GPX5: variants seen among roughly 807,000 people sequenced by gnomAD.
GPX5 encodes the protein epididymal secretory glutathione peroxidase.
GPX5 carries 20 observed loss-of-function variants against 23.8 expected under a neutral mutation model. That is an observed-to-expected ratio of 0.84 (90% CI 0.59 to 1.22). The LOEUF is 1.22. Ranked by LOEUF, GPX5 falls within the 50% of genes most tolerant of loss-of-function variation. GPX5 has a pLI of 0.00. For synonymous variants in GPX5, 92 were observed against 99.5 expected, an observed-to-expected ratio of 0.92 and a Z score of 0.45; for missense variants, 230 against 266.6, an observed-to-expected ratio of 0.86 and a Z score of 0.96.
chr6:28,532,256 G>A, intron 3 of GPX5, 65 bp from the exon 4 acceptor site: 1 of 927,386 alleles, frequency 1.1e-6, no homozygotes, highest in Non-Finnish European at 1.6e-6. Context: ...TCAAATCCTA[G>A]TGTCCCATTA....
chr6:28,532,427 A>G lies in GPX5; in HGVS notation c.459+7A>G, dbSNP rs762750489. The G allele has an allele frequency of 6.5e-7, 1 of 1,533,108 alleles. No individual in the cohort carries two copies. The highest frequency in any genetic ancestry group is 8.9e-7 in the Non-Finnish European group (1 of 1,121,950). The allele number at this position is 1,533,108 out of a possible 1,614,324, so 95.0% of individuals were successfully genotyped here. ...AGTCTTCAGTTTCTTGAAGGTGAGTAAATTCCTGGCATAAGCCTCCTCCTC... is the reference window on the plus strand; with the variant it reads ...AGTCTTCAGTTTCTTGAAGGTGAGTGAATTCCTGGCATAAGCCTCCTCCTC... On this transcript the variant is annotated splice_region_variant and intron_variant, in intron 4 of 4. Transcript: ENST00000412168.
chr6:28,528,596 A>G (rs1207846037), intron 1 of GPX5: 1 of 152,070 alleles, frequency 6.6e-6, no homozygotes, highest in Non-Finnish European at 1.5e-5. Flanking sequence ...TGTTTTTTAC[A>G]GAAGCATGTA....
Position 28,532,336 on chromosome 6 carries a change from G to C in GPX5, c.375G>C (p.Gly125=). ...CTTGTTGCAGGTATGTCCGTCCAGGGGGAGGATTTGTACCTAGTTTCCAGC... is the reference window on the plus strand; with the variant it reads ...CTTGTTGCAGGTATGTCCGTCCAGGCGGAGGATTTGTACCTAGTTTCCAGC... ...ILPGLKYVRP[G]GGFVPSFQLF... The change falls in exon 4 of 5, where the codon GGG becomes GGC. Residue 125 remains glycine (G), a synonymous_variant. Transcript: ENST00000412168. The C allele has an allele frequency of 6.3e-7, 1 of 1,578,754 alleles. No homozygotes were observed. Among genetic ancestry groups the C allele is most frequent in the Non-Finnish European group, 8.6e-7 (1 of 1,167,696 alleles).
rs73402963 is a variant in GPX5, at chr6:28,526,402, G to A, written c.87+302G>A. Among the ~76,000 whole-genome samples, 602 of 152,292 alleles carry A rather than the reference G, an allele frequency of 4.0e-3. 4 individuals are homozygous for A. The highest frequency in any genetic ancestry group is 0.013 in the African/African-American group (537 of 41,552). On this transcript the variant is annotated intron_variant, in intron 1 of 4. Coordinates refer to ENST00000412168, the MANE Select transcript of GPX5 (RefSeq NM_001509.3). ...ACATCAGTCTCTGCTTCAGAGCTGG[G>A]TCTGAGGCTGGGACAGCGATGGGCT...
At chr6:28,528,966 C>T (rs1372971632) in intron 1 of GPX5, among the ~76,000 whole-genome samples, 2 of 150,452 alleles carry the variant, frequency 1.3e-5, no homozygotes, top group Non-Finnish European at 3.0e-5. Flanking sequence ...AAGGATTTCT[C>T]CTTTGTGCTA....
intron 1 of GPX5, chr6:28,527,213 AC>A (rs1407709715): frequency 3.9e-5 from 6 of 152,288 alleles, no homozygotes; most frequent in African/African-American, 1.2e-4. Flanking sequence ...GCATACTGGT[AC>A]CCAACATGAC....
intron 1 of GPX5, chr6:28,527,565 G>A (rs1173252899): frequency 1.3e-5 from 2 of 152,190 alleles, no homozygotes; most frequent in Non-Finnish European, 2.9e-5. Flanking sequence ...GGCAGATGAT[G>A]TTCAACCAAA....
intron 1 of GPX5, chr6:28,528,387 G>T (rs931960422): frequency 5.9e-5 from 9 of 152,146 alleles, no homozygotes; most frequent in Non-Finnish European, 1.3e-4. Flanking sequence ...GTTCACAAAG[G>T]AATTTAACAA....
intron 3 of GPX5, 71 bp downstream of exon 3, chr6:28,531,966 C>G: frequency 9.4e-7 from 1 of 1,068,854 alleles, no homozygotes; most frequent in Non-Finnish European, 1.4e-6. Flanking sequence ...GCCCTTCCAG[C>G]TCAGGAACTT....
At chr6:28,532,762 G>A (rs183762771) in intron 4 of GPX5, among the ~76,000 whole-genome samples, 4 of 152,324 alleles carry the variant, frequency 2.6e-5, no homozygotes, top group African/African-American at 9.6e-5. Context: ...AGGATATAAA[G>A]ATGAATAAGG....
chr6:28,531,833 T>A lies in GPX5; in HGVS notation c.297T>A (p.Phe99Leu). 1 of 1,614,014 alleles carries A rather than the reference T, an allele frequency of 6.2e-7. No individual in the cohort carries two copies. Reference protein sequence around the residue: ...LKPYGLVVLGFPCNQFGKQEP... With the variant: ...LKPYGLVVLGLPCNQFGKQEP... The stretch of plus-strand genomic sequence containing the variant: ...CCTATGGTCTAGTTGTGTTGGGCTT[T>A]CCCTGCAACCAATTTGGAAAGCAAG... The change falls in exon 3 of 5, where the codon TTT becomes TTA. Residue 99 changes from phenylalanine (F) to leucine (L), a missense_variant. By Grantham distance (22) the Phe-to-Leu change is conservative. Coordinates refer to ENST00000412168, the MANE Select transcript of GPX5 (RefSeq NM_001509.3).
Position 28,534,069 on chromosome 6 carries a change from C to T in GPX5, c.568C>T (p.Pro190Ser), listed in dbSNP as rs1763378225. 6.2e-7 allele frequency: 1 copy of T among 1,612,366 alleles called. No homozygotes were observed. The highest frequency in any genetic ancestry group is 8.5e-7 in the Non-Finnish European group (1 of 1,179,228). The change falls in exon 5 of 5, where the codon CCT becomes TCT. Residue 190 changes from proline (P) to serine (S), a missense_variant. By Grantham distance (74) the Pro-to-Ser change is moderately conservative. Coordinates refer to ENST00000412168, the MANE Select transcript of GPX5 (RefSeq NM_001509.3). Reference protein sequence around the residue: ...RWNFEKFLVGPDGIPVMRWSH... With the variant: ...RWNFEKFLVGSDGIPVMRWSH... ...GAACTTTGAAAAGTTCCTGGTGGGG[C>T]CTGATGGAATCCCTGTCATGCGCTG...
At chr6:28,527,182 TGA>T (rs1763222849) in intron 1 of GPX5, 1 of 152,156 alleles carries the variant, frequency 6.6e-6, no homozygotes, top group African/African-American at 2.4e-5. Flanking sequence ...GTCTTCAAAT[TGA>T]GAGTCTCTCT....
intron 2 of GPX5, among the ~76,000 whole-genome samples, chr6:28,530,837 G>C (rs1327550494): frequency 3.3e-5 from 5 of 152,204 alleles, no homozygotes; most frequent in Non-Finnish European, 5.9e-5. Flanking sequence ...AAGGCCTAGA[G>C]GAGGTACCAG....
At chr6:28,531,454 A>G (rs1464543213) in intron 2 of GPX5, among the ~76,000 whole-genome samples, 1 of 151,636 alleles carries the variant, frequency 6.6e-6, no homozygotes, top group African/African-American at 2.4e-5. Flanking sequence ...TTTGAATAAT[A>G]AAGAAGACTA....
rs1763400507 is a variant in GPX5 at position 28,534,916 on chromosome 6, G to A, written c.*749G>A. 2 of 152,186 alleles carry A rather than the reference G, an allele frequency of 1.3e-5. No homozygotes were observed. Among genetic ancestry groups the A allele is most frequent in the Admixed American group, 1.3e-4 (2 of 15,276 alleles). 9.4% of individuals were successfully genotyped at this position (152,186 alleles called of 1,614,324 possible). On this transcript the variant is annotated 3_prime_UTR_variant, in exon 5 of 5. Transcript: ENST00000412168. ...ATTCCTCACCTTCAGAACGAGCCCT[G>A]CCACTGTCTCCAATAAAATGTTTTC...
rs768410277 is a variant in GPX5 at position 28,531,872 on chromosome 6, CAA to C, written c.338_339del (p.Lys113ArgfsTer18). The C allele has an allele frequency of 5.0e-6, 8 of 1,613,122 alleles. No homozygotes were observed. The highest frequency in any genetic ancestry group is 4.5e-5 in the East Asian group (2 of 44,894). On this transcript the variant is annotated frameshift_variant, in exon 3 of 5. Coordinates refer to ENST00000412168, the MANE Select transcript of GPX5 (RefSeq NM_001509.3). LOFTEE classifies it high-confidence loss of function. Reference protein sequence around the residue: ...QFGKQEPGDNKEILPGLKYVR... With the variant: ...QFGKQEPGDNXEILPGLKYVR... The stretch of plus-strand genomic sequence containing the variant: ...TTGGAAAGCAAGAACCAGGAGATAA[CAA>C]AGAGATTCTTCCTGGGCTCAAGTAC...
At position 28,534,032 on chromosome 6, in the gene GPX5, T is replaced by A; in HGVS notation, c.531T>A (p.His177Gln). The stretch of plus-strand genomic sequence containing the variant: ...TATCCTGGGACCCTGTAAAGGTCCA[T>A]GACATCCGTTGGAACTTTGAAAAGT... ...KSISWDPVKVHDIRWNFEKFL... is the reference protein window; with the variant it reads ...KSISWDPVKVQDIRWNFEKFL... The change falls in exon 5 of 5, where the codon CAT (histidine) becomes CAA (glutamine). Residue 177 changes from histidine (H) to glutamine (Q), a missense_variant. By Grantham distance (24) the His-to-Gln change is conservative. Coordinates refer to ENST00000412168, the MANE Select transcript of GPX5 (RefSeq NM_001509.3). The A allele has an allele frequency of 6.2e-7, 1 of 1,611,164 alleles. No individual in the cohort carries two copies.
At position 28,533,524 on chromosome 6, in the gene GPX5, A is replaced by G. The variant is rs1305769163; in HGVS notation, c.460-437A>G. ...TCCAATGGTCTTTTTAAATTAAGTGACAAAATGATGGTGTTTTAAAAATTT... is the reference window on the plus strand; with the variant it reads ...TCCAATGGTCTTTTTAAATTAAGTGGCAAAATGATGGTGTTTTAAAAATTT... On this transcript the variant is annotated intron_variant, in intron 4 of 4. Transcript: ENST00000412168. Among the ~76,000 whole-genome samples the G allele has an allele frequency of 4.6e-5, 7 of 152,352 alleles. No individual in the cohort carries two copies. The South Asian group carries it at 1.2e-3, about 27-fold the overall frequency.
Sources: allele counts gnomAD v4.1 joint callset (sites outside exome capture counted in the v4.1 genomes callset), GRCh38; gene constraint gnomAD v4.1.1; transcripts MANE v1.5; gene names NCBI Gene and HGNC (gene_info 2026-07-23, HGNC 2026-07-21).